Variants in PTPRG observed in about 807,000 individuals in gnomAD.
The protein encoded by PTPRG is protein tyrosine phosphatase receptor type G, also known as receptor-type tyrosine-protein phosphatase gamma.
In PTPRG, 102 loss-of-function variants were observed where a neutral mutation model predicts 165.3. That is an observed-to-expected ratio of 0.62 (90% CI 0.53 to 0.73). The LOEUF (loss-of-function observed/expected upper bound fraction) is 0.73, where lower values mean the gene tolerates loss of function less well. Ranked by LOEUF, PTPRG falls within the 30% of genes least tolerant of loss-of-function variation. The probability of loss-of-function intolerance (pLI) is 0.00; values close to 1 mark genes in which losing one functional copy is unlikely to be tolerated. For synonymous variants in PTPRG, 675 were observed against 669.5 expected (o/e 1.01, Z -0.13); for missense variants, 1,866 against 1,861.4 (o/e 1.00, Z -0.05).
At chr3:61,711,495 T>C (rs11717822) in intron 1 of PTPRG, among the ~76,000 whole-genome samples, 21,696 of 152,232 alleles carry the variant, frequency 0.14, 1,700 homozygotes, top group East Asian at 0.17. Context: ...TCATTGTGGT[T>C]TTGATTTGCA....
intron 2 of PTPRG, among the ~76,000 whole-genome samples, chr3:61,798,446 T>C (rs1342806006): frequency 6.6e-6 from 1 of 152,184 alleles, no homozygotes; most frequent in Non-Finnish European, 1.5e-5. Flanking sequence ...AATTACTTTA[T>C]CAGTGTAATG....
At chr3:61,604,207 C>A (rs985414369) in intron 1 of PTPRG, among the ~76,000 whole-genome samples, 2 of 152,152 alleles carry the variant, frequency 1.3e-5, no homozygotes, top group East Asian at 3.9e-4. Context: ...ACCTGTATTC[C>A]CAGGTACTCG....
intron 2 of PTPRG, among the ~76,000 whole-genome samples, chr3:61,923,496 T>G (rs1466940069): frequency 1.3e-5 from 2 of 151,854 alleles, no homozygotes; most frequent in Non-Finnish European, 2.9e-5. Flanking sequence ...CATGCTGGTG[T>G]GCTGCACCCA....
intron 2 of PTPRG, among the ~76,000 whole-genome samples, chr3:61,893,164 G>A (rs2038263572): frequency 6.6e-6 from 1 of 152,178 alleles, no homozygotes; most frequent in African/African-American, 2.4e-5. Flanking sequence ...AGTGCTCTCA[G>A]TACAGAAAAT....
chr3:61,615,835 C>CAA (rs1575539702), intron 1 of PTPRG, among the ~76,000 whole-genome samples: 2 of 152,192 alleles, frequency 1.3e-5, no homozygotes, highest in East Asian at 3.9e-4. Context: ...CTGTCTAGAA[C>CAA]AAGAAGTTCC....
At chr3:61,869,574 C>G (rs1001620890) in intron 2 of PTPRG, among the ~76,000 whole-genome samples, 7 of 151,848 alleles carry the variant, frequency 4.6e-5, no homozygotes, top group African/African-American at 1.7e-4. Flanking sequence ...CTCCCCTCCC[C>G]TCCCCTCCCT....
intron 4 of PTPRG, among the ~76,000 whole-genome samples, chr3:62,024,720 T>A (rs1575903571): frequency 6.6e-6 from 1 of 152,240 alleles, no homozygotes; most frequent in South Asian, 2.1e-4. Flanking sequence ...GTTTTCCTTC[T>A]GCAACCCCTA....
chr3:61,747,348 T>G (rs149681580), intron 1 of PTPRG, among the ~76,000 whole-genome samples: 3 of 152,236 alleles, frequency 2.0e-5, no homozygotes, highest in East Asian at 3.9e-4. Context: ...AGAGGAAGGA[T>G]TAATGGGGAA....
intron 1 of PTPRG, among the ~76,000 whole-genome samples, chr3:61,588,190 G>A (rs79594679): frequency 0.049 from 7,376 of 152,000 alleles, 216 homozygotes; most frequent in East Asian, 0.077. Flanking sequence ...TTTTATTACA[G>A]TTATGCGTCC....
chr3:62,105,642 A>G (rs1051418710), intron 5 of PTPRG, among the ~76,000 whole-genome samples: 1 of 152,188 alleles, frequency 6.6e-6, no homozygotes, highest in African/African-American at 2.4e-5. Flanking sequence ...TGGGTGCGTA[A>G]GAAATTAGCT....
chr3:61,806,578 T>A (rs1022427433), intron 2 of PTPRG, among the ~76,000 whole-genome samples: 2 of 137,014 alleles, frequency 1.5e-5, no homozygotes, highest in African/African-American at 6.1e-5. Flanking sequence ...ATATTGCATC[T>A]TAGTGAATAT....
intron 1 of PTPRG, among the ~76,000 whole-genome samples, chr3:61,627,773 G>T (rs1372422387): frequency 6.6e-6 from 1 of 152,190 alleles, no homozygotes; most frequent in African/African-American, 2.4e-5. Context: ...GCAGTAGAAG[G>T]TCATTAAAAT....
intron 7 of PTPRG, 109 bp downstream of exon 7, chr3:62,157,333 C>T (rs528903471): frequency 2.7e-5 from 30 of 1,121,464 alleles, no homozygotes; most frequent in Non-Finnish European, 3.7e-5. Context: ...TGATCCTGTG[C>T]ATATCATTGA....
chr3:61,997,382 C>T (rs1575866712), intron 3 of PTPRG, among the ~76,000 whole-genome samples: 1 of 152,316 alleles, frequency 6.6e-6, no homozygotes, highest in South Asian at 2.1e-4. Flanking sequence ...TTGGGACAAA[C>T]ACAGACTGCT....
Position 61,611,406 on chromosome 3 carries a change from A to G in PTPRG, c.85+49034A>G, listed in dbSNP as rs565599600. Among the ~76,000 whole-genome samples, 19 of 152,268 alleles carry G rather than the reference A, an allele frequency of 1.2e-4. 1 individual carries two copies. Among genetic ancestry groups the G allele is most frequent in the Admixed American group, 1.2e-3 (18 of 15,306 alleles). ...TTAATTTTCATTTTTTTCCCACTCA[A>G]TGTTAACTACCATCTTGACTGGTAA... On this transcript the variant is annotated intron_variant, in intron 1 of 29. Transcript: ENST00000474889.
intron 2 of PTPRG, among the ~76,000 whole-genome samples, chr3:61,919,019 G>GT (rs753437812): frequency 6.6e-6 from 1 of 152,216 alleles, no homozygotes; most frequent in Non-Finnish European, 1.5e-5. Context: ...CCTTCCCACA[G>GT]TGTAGTAGGA....
At chr3:62,139,300 A>C (rs1576051880) in intron 6 of PTPRG, among the ~76,000 whole-genome samples, 1 of 152,050 alleles carries the variant, frequency 6.6e-6, no homozygotes, top group East Asian at 1.9e-4. Flanking sequence ...CCCCATCTCT[A>C]CTACAAAAAT....
chr3:62,000,596 C>T (rs529808461), intron 3 of PTPRG, among the ~76,000 whole-genome samples: 6 of 152,226 alleles, frequency 3.9e-5, no homozygotes, highest in South Asian at 2.1e-4. Flanking sequence ...TCTTCAGAAC[C>T]GACAGAGGTA....
intron 4 of PTPRG, among the ~76,000 whole-genome samples, chr3:62,013,319 A>C (rs887516083): frequency 6.6e-6 from 1 of 152,184 alleles, no homozygotes; most frequent in Non-Finnish European, 1.5e-5. Flanking sequence ...TCCAGACCAC[A>C]ATAATGGAAT....
Sources: gnomAD v4.1 joint callset for allele counts (sites outside exome capture counted in the v4.1 genomes callset) on GRCh38, gnomAD v4.1.1 for gene constraint, MANE v1.5 for transcripts, NCBI Gene and HGNC (gene_info 2026-07-23, HGNC 2026-07-21) for gene names.